The following TRAFD1 variants were observed in gnomAD, a reference collection of about 807,000 sequenced individuals.
The protein encoded by TRAFD1 is TRAF-type zinc finger domain-containing protein 1.
Under a neutral mutation model 65.3 loss-of-function variants are expected in TRAFD1, and 38 were observed. The ratio of observed to expected loss-of-function variants is 0.58; its 90% confidence interval spans 0.45 to 0.76. The LOEUF is 0.76. Among genes scored for constraint, TRAFD1 ranks in the 30% least tolerant of loss-of-function variants. The probability of loss-of-function intolerance (pLI) is 0.00; values close to 1 mark genes in which losing one functional copy is unlikely to be tolerated. For synonymous variants in TRAFD1, 223 were observed against 257.2 expected (o/e 0.87, Z 1.27); for missense variants, 631 against 712.6 (o/e 0.89, Z 1.30).
chr12:112,152,949 G>C lies in TRAFD1; in HGVS notation c.*158G>C. On this transcript the variant is annotated 3_prime_UTR_variant, in exon 12 of 12. Transcript: ENST00000412615. The surrounding 1 kb of genome is among the most constrained non-coding windows in gnomAD (Gnocchi z 5.0). ...ATTTTGTGTCTTTTGAGGTTGTGCTGTGGGGGTTTGGGTTTGAGGGAAGGG... is the reference window on the plus strand; with the variant it reads ...ATTTTGTGTCTTTTGAGGTTGTGCTCTGGGGGTTTGGGTTTGAGGGAAGGG... 1 of 791,766 alleles carries C rather than the reference G, an allele frequency of 1.3e-6. No homozygotes were observed. The highest frequency in any genetic ancestry group is 1.9e-6 in the Non-Finnish European group (1 of 513,400). 49.0% of individuals were successfully genotyped at this position (791,766 alleles called of 1,614,324 possible).
intron 1 of TRAFD1, among the ~76,000 whole-genome samples, chr12:112,127,144 C>T (rs2079542780): frequency 6.6e-6 from 1 of 152,054 alleles, no homozygotes; most frequent in Non-Finnish European, 1.5e-5. Context: ...GCCTTTTGCC[C>T]TTCCCACTGC....
chr12:112,136,873 G>A (rs1365474562), intron 4 of TRAFD1, among the ~76,000 whole-genome samples: 2 of 152,200 alleles, frequency 1.3e-5, no homozygotes, highest in African/African-American at 2.4e-5. Flanking sequence ...GATTACAGGC[G>A]TGAGCTATGG....
chr12:112,130,497 T>A lies in TRAFD1; in HGVS notation c.-12-14T>A. On this transcript the variant is annotated splice_polypyrimidine_tract_variant and intron_variant, in intron 1 of 11. Coordinates refer to ENST00000412615, the MANE Select transcript of TRAFD1 (RefSeq NM_006700.3). This position sits in a 1 kb window ranked among gnomAD's most constrained non-coding sequence, Gnocchi z 4.4. Reference sequence around the variant, plus strand: ...ATGAAAGAGAAAGTTCATGTCTTCCTTTGTGGTTTTCAGGAAGAGCTAAAG... The same window carrying A: ...ATGAAAGAGAAAGTTCATGTCTTCCATTGTGGTTTTCAGGAAGAGCTAAAG... 1 of 1,609,714 alleles carries A rather than the reference T, an allele frequency of 6.2e-7. No individual in the cohort carries two copies. The highest frequency in any genetic ancestry group is 8.5e-7 in the Non-Finnish European group (1 of 1,177,034).
rs2030453632 is a variant in TRAFD1, at chr12:112,153,059, G to A, written c.*268G>A. On this transcript the variant is annotated 3_prime_UTR_variant, in exon 12 of 12. Coordinates refer to ENST00000412615, the MANE Select transcript of TRAFD1 (RefSeq NM_006700.3). Reference sequence around the variant, plus strand: ...ATACAAGCTGCAGCCTCGGCTGCCAGGGCTCCCTTTTGACTTATTGTCGCC... The same window carrying A: ...ATACAAGCTGCAGCCTCGGCTGCCAAGGCTCCCTTTTGACTTATTGTCGCC... 2.4e-6 allele frequency: 1 copy of A among 411,840 alleles called. No individual in the cohort carries two copies. The highest frequency in any genetic ancestry group is 4.1e-5 in the East Asian group (1 of 24,110). 25.5% of individuals were successfully genotyped at this position (411,840 alleles called of 1,614,324 possible). A position where few individuals can be genotyped will look rare whatever the true frequency, so the allele number is the denominator to read the frequency against.
At chr12:112,138,739 T>C (rs2029990064) in intron 4 of TRAFD1, among the ~76,000 whole-genome samples, 1 of 150,640 alleles carries the variant, frequency 6.6e-6, no homozygotes, top group African/African-American at 2.5e-5. Flanking sequence ...GCTCCTGTAA[T>C]CCCAGCTACT....
In TRAFD1 at chr12:112,152,485, A is replaced by G. The variant is rs1272622993; in HGVS notation, c.1678A>G (p.Ser560Gly). The change falls in exon 11 of 12, where the codon AGC becomes GGC. Residue 560 changes from serine to glycine, a missense_variant. Coordinates refer to ENST00000412615, the MANE Select transcript of TRAFD1 (RefSeq NM_006700.3). This position sits in a 1 kb window ranked among gnomAD's most constrained non-coding sequence, Gnocchi z 5.0. The part of the protein sequence containing the change: ...RVTPAAANYR[S>G]RTAKAKPSKQ... ...CACCCCTGCAGCTGCCAACTACCGC[A>G]GCAGAACTGCAAAGGTAAGGTGGGC... 6.2e-7 allele frequency: 1 copy of G among 1,614,052 alleles called. No individual in the cohort carries two copies. The highest frequency in any genetic ancestry group is 2.2e-5 in the East Asian group (1 of 44,886).
intron 2 of TRAFD1, among the ~76,000 whole-genome samples, chr12:112,133,745 C>G (rs1228614284): frequency 2.0e-5 from 3 of 151,320 alleles, no homozygotes; most frequent in Non-Finnish European, 2.9e-5. Flanking sequence ...CTTGCTATCC[C>G]CGAGGCTGGA....
intron 4 of TRAFD1, 98 bp downstream of exon 4, chr12:112,135,164 G>A (rs1428481919): frequency 9.4e-6 from 13 of 1,384,284 alleles, no homozygotes; most frequent in Admixed American, 3.4e-5. Context: ...TTAGTTCTCC[G>A]TGAGCTCACA....
In TRAFD1 at chr12:112,135,083, A is replaced by G. The variant is rs745761851; in HGVS notation, c.237+17A>G. 1.9e-6 allele frequency: 3 copies of G among 1,614,186 alleles called. No homozygotes were observed. In the South Asian group the frequency reaches 3.3e-5, roughly 18 times the overall value. On this transcript the variant is annotated intron_variant, in intron 4 of 11. Transcript: ENST00000412615. The stretch of plus-strand genomic sequence containing the variant: ...AAGCATGAGGTTAGTCCATGGAGTG[A>G]GTTACCGTGGGCCCAGTCCTGCTGA...
Position 112,148,205 on chromosome 12 carries a change from G to A in TRAFD1, c.1059G>A (p.Leu353=). The A allele has an allele frequency of 6.2e-7, 1 of 1,614,190 alleles. No individual in the cohort carries two copies. Among genetic ancestry groups the A allele is most frequent in the South Asian group, 1.1e-5 (1 of 91,090 alleles). ...CTGCAAGTAACCAGTTAGACTCTTT[G>A]ATGGGCCTGAGCAATTCACACCCTG... The part of the protein sequence containing the change: ...QQAASNQLDS[L]MGLSNSHPVE... Residue 353 remains leucine, a synonymous_variant, in exon 8 of 12, where the codon TTG becomes TTA. Transcript: ENST00000412615.
At chr12:112,143,649 G>A (rs1336717765) in intron 6 of TRAFD1, among the ~76,000 whole-genome samples, 5 of 148,558 alleles carry the variant, frequency 3.4e-5, no homozygotes, top group African/African-American at 1.2e-4. Context: ...TTTGAGTTCT[G>A]TTTGATCCTT....
chr12:112,140,154 C>T, intron 4 of TRAFD1: 1 of 338,278 alleles, frequency 3.0e-6, no homozygotes, highest in Admixed American at 4.0e-5. Flanking sequence ...GGCGTGGTGG[C>T]TCAAGCCTGT....
intron 1 of TRAFD1, among the ~76,000 whole-genome samples, chr12:112,127,482 C>T (rs2079545260): frequency 6.6e-6 from 1 of 152,074 alleles, no homozygotes; most frequent in Admixed American, 6.6e-5. Context: ...TTCTTTGAGA[C>T]AGGGTCTCAC....
intron 1 of TRAFD1, among the ~76,000 whole-genome samples, chr12:112,126,918 T>G (rs919367707): frequency 2.2e-4 from 34 of 152,186 alleles, no homozygotes; most frequent in Admixed American, 2.2e-3. Flanking sequence ...CCTCCCAAAG[T>G]GCTGGGATTA....
chr12:112,146,255 A>C (rs1184076866), intron 7 of TRAFD1, among the ~76,000 whole-genome samples: 3 of 142,910 alleles, frequency 2.1e-5, no homozygotes, highest in Non-Finnish European at 4.5e-5. Flanking sequence ...AAGTGATGGC[A>C]GTGATGTATG....
At chr12:112,146,225 C>CAAA (rs766339761) in intron 7 of TRAFD1, among the ~76,000 whole-genome samples, 10 of 66,808 alleles carry the variant, frequency 1.5e-4, no homozygotes, top group Non-Finnish European at 1.9e-4. Flanking sequence ...GAAATAACAG[C>CAAA]AAAAAAAAAA....
At chr12:112,143,776 A>C (rs1246806882) in intron 6 of TRAFD1, among the ~76,000 whole-genome samples, 1 of 133,290 alleles carries the variant, frequency 7.5e-6, no homozygotes, top group African/African-American at 2.9e-5. Flanking sequence ...TCTGTCACCG[A>C]GGCTGGAGTG....
chr12:112,138,324 C>T (rs563909372), intron 4 of TRAFD1, among the ~76,000 whole-genome samples: 8 of 152,128 alleles, frequency 5.3e-5, no homozygotes, highest in East Asian at 3.9e-4. Flanking sequence ...CAGAGGAGGG[C>T]GGGTCACTTG....
rs1334098473 is a variant in TRAFD1, at chr12:112,130,080, G to A, written c.-12-431G>A. 2.0e-5 allele frequency among the ~76,000 whole-genome samples: 3 copies of A among 151,240 alleles called. No homozygotes were observed. Among genetic ancestry groups the A allele is most frequent in the Admixed American group, 6.6e-5 (1 of 15,168 alleles). On this transcript the variant is annotated intron_variant, in intron 1 of 11. Transcript: ENST00000412615. This position sits in a 1 kb window ranked among gnomAD's most constrained non-coding sequence, Gnocchi z 4.4. ...TCCTCTTGCACATTCCTCCTGCCTC[G>A]GCCTCTCGAGTAGCTGGGACTACAG...
Sources: gnomAD v4.1 joint callset for allele counts (sites outside exome capture counted in the v4.1 genomes callset) on GRCh38, gnomAD v4.1.1 for gene constraint, Gnocchi (gnomAD v3.1) non-coding constraint, MANE v1.5 for transcripts, NCBI Gene and HGNC (gene_info 2026-07-23, HGNC 2026-07-21) for gene names.